The following EFCAB6 variants were observed in gnomAD, a reference collection of about 807,000 sequenced individuals.
EFCAB6 encodes EF-hand calcium-binding domain-containing protein 6.
Under a neutral mutation model 169.8 loss-of-function variants are expected in EFCAB6, and 156 were observed. That is an observed-to-expected ratio of 0.92 (90% CI 0.81 to 1.05). The LOEUF is 1.05. Ranked by LOEUF, EFCAB6 falls within the 50% of genes least tolerant of loss-of-function variation. The probability of loss-of-function intolerance (pLI) is 0.00; values close to 1 mark genes in which losing one functional copy is unlikely to be tolerated. For synonymous variants in EFCAB6, 698 were observed against 676.4 expected (o/e 1.03, Z -0.50); for missense variants, 1,800 against 1,829.1 (o/e 0.98, Z 0.29).
At chr22:43,596,903 A>T (rs1602503760) in intron 23 of EFCAB6, among the ~76,000 whole-genome samples, 1 of 152,228 alleles carries the variant, frequency 6.6e-6, no homozygotes, top group African/African-American at 2.4e-5. Context: ...AAAAGCAGAC[A>T]CAAAGACCAA....
intron 22 of EFCAB6, among the ~76,000 whole-genome samples, chr22:43,601,637 C>T (rs183410288): frequency 1.1e-4 from 16 of 152,336 alleles, no homozygotes; most frequent in Admixed American, 2.6e-4. Flanking sequence ...AAGCCCTGTA[C>T]GACTGTTTGA....
rs761597238 is a variant in EFCAB6, at chr22:43,530,859, C to T, written c.4339G>A (p.Asp1447Asn). 8 of 1,614,068 alleles carry T rather than the reference C, an allele frequency of 5.0e-6. No homozygotes were observed. The highest frequency in any genetic ancestry group is 5.9e-6 in the Non-Finnish European group (7 of 1,180,058). ...CTTAGCAGCCCTGTTCCAGCCTCAT[C>T]ATAGCTTTTGAACGTGCGCCGCATT... Reference protein sequence around the residue: ...RPMRRTFKSYDEAGTGLLSVA... With the variant: ...RPMRRTFKSYNEAGTGLLSVA... The change falls in exon 31 of 32, where the codon GAT becomes AAT. Residue 1447 changes from aspartate to asparagine, a missense_variant. Asp to Asn is a conservative substitution (Grantham distance 23, BLOSUM62 1). Transcript: ENST00000262726.
chr22:43,595,632 G>A (rs944824754), intron 23 of EFCAB6, among the ~76,000 whole-genome samples: 4 of 152,104 alleles, frequency 2.6e-5, no homozygotes, highest in African/African-American at 4.8e-5. Flanking sequence ...AAAAGCCTAG[G>A]ACCTGATGGC....
intron 13 of EFCAB6, among the ~76,000 whole-genome samples, chr22:43,676,415 T>C (rs2057763485): frequency 7.9e-6 from 1 of 127,348 alleles, no homozygotes; most frequent in South Asian, 2.6e-4. Context: ...CAAGACTCCG[T>C]CTCAAAAAAA....
intron 10 of EFCAB6, among the ~76,000 whole-genome samples, chr22:43,709,597 A>T (rs1352581739): frequency 6.6e-6 from 1 of 152,248 alleles, no homozygotes; most frequent in Admixed American, 6.5e-5. Context: ...TTATATTTGT[A>T]CGTGAATACA....
At chr22:43,642,733 C>T (rs1288028240) in intron 17 of EFCAB6, among the ~76,000 whole-genome samples, 1 of 152,112 alleles carries the variant, frequency 6.6e-6, no homozygotes, top group African/African-American at 2.4e-5. Context: ...CCATGTGGCC[C>T]CAGCAAAACA....
chr22:43,606,124 C>T (rs780894168), intron 22 of EFCAB6, among the ~76,000 whole-genome samples: 1 of 152,300 alleles, frequency 6.6e-6, no homozygotes, highest in Non-Finnish European at 1.5e-5. Context: ...TTTTCTATGG[C>T]CTCCAAATGT....
chr22:43,670,033 T>C (rs1258308808), intron 15 of EFCAB6, among the ~76,000 whole-genome samples: 1 of 152,180 alleles, frequency 6.6e-6, no homozygotes, highest in Non-Finnish European at 1.5e-5. Flanking sequence ...AGGGTGTAAA[T>C]GAGGGACTAG....
At chr22:43,688,639 A>G (rs570165205) in intron 10 of EFCAB6, among the ~76,000 whole-genome samples, 1 of 152,174 alleles carries the variant, frequency 6.6e-6, no homozygotes, top group South Asian at 2.1e-4. Flanking sequence ...ACATGAGAAT[A>G]ATACCACCTC....
Position 43,615,924 on chromosome 22 carries a change from T to C in EFCAB6, c.2466-2A>G. ...GAATCCGCAACCTTCTGTTTTGGTCTTAAAAGAAAAAAAATAATAAATAAC... is the reference window on the plus strand; with the variant it reads ...GAATCCGCAACCTTCTGTTTTGGTCCTAAAAGAAAAAAAATAATAAATAAC... On this transcript the variant is annotated splice_acceptor_variant, in intron 20 of 31. Coordinates refer to ENST00000262726, the MANE Select transcript of EFCAB6 (RefSeq NM_022785.4). LOFTEE classifies it high-confidence loss of function. 1 of 1,610,436 alleles carries C rather than the reference T, an allele frequency of 6.2e-7. No individual in the cohort carries two copies. The highest frequency in any genetic ancestry group is 8.5e-7 in the Non-Finnish European group (1 of 1,178,714).
rs376169429 is a variant in EFCAB6, at chr22:43,786,085, G to A, written c.-7-3760C>T. Among the ~76,000 whole-genome samples the A allele has an allele frequency of 4.2e-3, 643 of 152,304 alleles. 2 individuals are homozygous for A. Among genetic ancestry groups the A allele is most frequent in the Middle Eastern group, 0.027 (8 of 294 alleles). The stretch of plus-strand genomic sequence containing the variant: ...AACATTTAAAGAAAAATTCAAGGCT[G>A]GGCATGGTGGCTCACACCTGTAATC... On this transcript the variant is annotated intron_variant, in intron 2 of 31. Transcript: ENST00000262726.
chr22:43,679,713 T>G (rs2057926823), intron 12 of EFCAB6, among the ~76,000 whole-genome samples: 1 of 152,180 alleles, frequency 6.6e-6, no homozygotes, highest in Non-Finnish European at 1.5e-5. Context: ...GGCTTTGAGT[T>G]TCTCTAGTGA....
intron 16 of EFCAB6, among the ~76,000 whole-genome samples, chr22:43,667,672 G>A (rs769123657): frequency 6.6e-6 from 1 of 152,154 alleles, no homozygotes; most frequent in Non-Finnish European, 1.5e-5. Context: ...CCATTAGAAA[G>A]CTTTAAATGA....
chr22:43,594,256 CA>C (rs2051805602), intron 23 of EFCAB6, among the ~76,000 whole-genome samples: 1 of 80,766 alleles, frequency 1.2e-5, no homozygotes, highest in African/African-American at 5.3e-5. Flanking sequence ...GCCTGGGCAA[CA>C]AGAGTGAAAC....
At chr22:43,678,630 C>T (rs2057877240) in intron 12 of EFCAB6, among the ~76,000 whole-genome samples, 1 of 152,160 alleles carries the variant, frequency 6.6e-6, no homozygotes, top group Non-Finnish European at 1.5e-5. Context: ...CCAACAGTCT[C>T]ATCCATTACA....
chr22:43,724,073 G>C (rs188447231), intron 8 of EFCAB6, among the ~76,000 whole-genome samples: 44 of 152,270 alleles, frequency 2.9e-4, no homozygotes, highest in Non-Finnish European at 6.0e-4. Flanking sequence ...CTTCAGGATT[G>C]TAAGTTTTAT....
At chr22:43,716,525 G>C in intron 9 of EFCAB6, 1 of 320,152 alleles carries the variant, frequency 3.1e-6, no homozygotes. Context: ...TCCAATCCAA[G>C]AATCAGAAAA....
At chr22:43,631,744 G>A (rs995882932) in intron 19 of EFCAB6, among the ~76,000 whole-genome samples, 1 of 152,080 alleles carries the variant, frequency 6.6e-6, no homozygotes, top group Non-Finnish European at 1.5e-5. Flanking sequence ...CATAGTAAGT[G>A]TATAACACTT....
intron 28 of EFCAB6, 99 bp downstream of exon 28, chr22:43,540,028 T>A: frequency 7.4e-7 from 1 of 1,358,336 alleles, no homozygotes; most frequent in Non-Finnish European, 1.0e-6. Flanking sequence ...TCTCAGCCAC[T>A]CAACCCTGGG....
Sources: gnomAD v4.1 joint callset for allele counts (sites outside exome capture counted in the v4.1 genomes callset) on GRCh38, gnomAD v4.1.1 for gene constraint, MANE v1.5 for transcripts, NCBI Gene and HGNC (gene_info 2026-07-23, HGNC 2026-07-21) for gene names.